Variants in MAP4K3 observed in about 807,000 individuals in gnomAD.
The protein encoded by MAP4K3 is mitogen-activated protein kinase kinase kinase kinase 3.
Under a neutral mutation model 143.5 loss-of-function variants are expected in MAP4K3, and 94 were observed. The observed-to-expected ratio is 0.65, with a 90% confidence interval of 0.55 to 0.78. The LOEUF (loss-of-function observed/expected upper bound fraction) is 0.78. Ranked by LOEUF, MAP4K3 falls within the 30% of genes least tolerant of loss-of-function variation. MAP4K3 has a pLI of 0.00. For synonymous variants in MAP4K3, 416 were observed against 347.2 expected, an observed-to-expected ratio of 1.20 and a Z score of -2.20; for missense variants, 1,077 against 1,068.1, an observed-to-expected ratio of 1.01 and a Z score of -0.12.
chr2:39,285,625 A>G (rs1489121384), intron 21 of MAP4K3, among the ~76,000 whole-genome samples: 1 of 151,706 alleles, frequency 6.6e-6, no homozygotes, highest in Non-Finnish European at 1.5e-5. Flanking sequence ...ATAGTGAAAT[A>G]TTTTTAAAAA....
chr2:39,397,360 A>C (rs983623241), intron 1 of MAP4K3, among the ~76,000 whole-genome samples: 2 of 152,174 alleles, frequency 1.3e-5, no homozygotes, highest in Admixed American at 6.5e-5. Context: ...AATACAAACA[A>C]CAGCAAAAAT....
intron 7 of MAP4K3, among the ~76,000 whole-genome samples, chr2:39,333,118 A>C (rs969434775): frequency 1.3e-5 from 2 of 152,160 alleles, no homozygotes; most frequent in East Asian, 3.8e-4. Flanking sequence ...CATCTAAATT[A>C]CATTCTTAAG....
chr2:39,359,614 G>A (rs1665709291), intron 2 of MAP4K3, among the ~76,000 whole-genome samples: 1 of 152,218 alleles, frequency 6.6e-6, no homozygotes, highest in Non-Finnish European at 1.5e-5. Context: ...GAACCACGAG[G>A]GCTCCACCCT....
chr2:39,392,045 G>C (rs568662636), intron 1 of MAP4K3, among the ~76,000 whole-genome samples: 9 of 151,756 alleles, frequency 5.9e-5, no homozygotes, highest in Non-Finnish European at 1.2e-4. Flanking sequence ...GCTGGGCATG[G>C]TAGGTAGCGC....
chr2:39,401,961 TA>T (rs1390538561), intron 1 of MAP4K3, among the ~76,000 whole-genome samples: 1 of 151,558 alleles, frequency 6.6e-6, no homozygotes, highest in Non-Finnish European at 1.5e-5. Flanking sequence ...TGTAAAAAAG[TA>T]AGAAAATACA....
intron 1 of MAP4K3, among the ~76,000 whole-genome samples, chr2:39,410,855 T>C (rs999042386): frequency 6.6e-6 from 1 of 152,182 alleles, no homozygotes; most frequent in African/African-American, 2.4e-5. Flanking sequence ...AAGGCACATA[T>C]GTCATAGTTT....
At chr2:39,250,825 G>C (rs1186668702) in intron 33 of MAP4K3, 120 bp from the exon 34 acceptor site, 4 of 746,832 alleles carry the variant, frequency 5.4e-6, no homozygotes, top group Non-Finnish European at 8.9e-6. Flanking sequence ...TTTGATCGTG[G>C]GCAGAAATCA....
chr2:39,378,470 T>C (rs1281577385), intron 1 of MAP4K3, among the ~76,000 whole-genome samples: 4 of 152,158 alleles, frequency 2.6e-5, no homozygotes, highest in Non-Finnish European at 5.9e-5. Context: ...CTAAAGGACA[T>C]AGAACTCAAA....
chr2:39,393,729 T>C (rs1290274384), intron 1 of MAP4K3, among the ~76,000 whole-genome samples: 2 of 152,172 alleles, frequency 1.3e-5, no homozygotes, highest in Non-Finnish European at 2.9e-5. Flanking sequence ...CTTTGGTATA[T>C]GCAGGAGACT....
At chr2:39,291,530 T>C (rs1005006348) in intron 18 of MAP4K3, among the ~76,000 whole-genome samples, 1 of 152,196 alleles carries the variant, frequency 6.6e-6, no homozygotes, top group African/African-American at 2.4e-5. Flanking sequence ...ATATATGCTT[T>C]ATGAAATTAT....
rs1175274776 is a variant in MAP4K3, at chr2:39,315,379, C to A, written c.928G>T (p.Ala310Ser). 2 of 1,609,768 alleles carry A rather than the reference C, an allele frequency of 1.2e-6. No homozygotes were observed. The highest frequency in any genetic ancestry group is 2.2e-5 in the East Asian group (1 of 44,712). Reference sequence around the variant, plus strand: ...GTTGAGTGAATTCTATGTGGTACAGCAACAAGAGGCTAGAAAAGAACAAAA... The same window carrying A: ...GTTGAGTGAATTCTATGTGGTACAGAAACAAGAGGCTAGAAAAGAACAAAA... ...FDDDDPEPLV[A>S]VPHRIHSTSR... The change falls in exon 13 of 34, where the codon GCT becomes TCT. Residue 310 changes from alanine (A) to serine (S), a missense_variant. Physicochemically the swap from Ala to Ser is moderately conservative, Grantham distance 99 (BLOSUM62 1). Around this residue, in one of 2 missense-constraint regions of MAP4K3, gnomAD observed 864 missense variants for 801.2 expected, o/e 1.08. Transcript: ENST00000263881.
intron 12 of MAP4K3, among the ~76,000 whole-genome samples, chr2:39,316,569 T>A (rs953645504): frequency 6.6e-6 from 1 of 152,072 alleles, no homozygotes; most frequent in Non-Finnish European, 1.5e-5. Context: ...AATGAAATAT[T>A]TCATGTAAAA....
rs186400744 is a variant in MAP4K3, at chr2:39,350,726, C to T, written c.245+5523G>A. On this transcript the variant is annotated intron_variant, in intron 3 of 33. Transcript: ENST00000263881. Reference sequence around the variant, plus strand: ...AAATTGCCTCTTTTAATCCCCTCCACCCTAGGTCCATCCTCCACAGAATAT... The same window carrying T: ...AAATTGCCTCTTTTAATCCCCTCCATCCTAGGTCCATCCTCCACAGAATAT... 1.3e-3 allele frequency among the ~76,000 whole-genome samples: 199 copies of T among 152,252 alleles called. 3 individuals carry two copies. The highest frequency in any genetic ancestry group is 5.0e-4 in the Non-Finnish European group (34 of 68,016).
intron 16 of MAP4K3, among the ~76,000 whole-genome samples, chr2:39,297,399 T>C (rs1353594151): frequency 1.3e-5 from 2 of 152,192 alleles, no homozygotes; most frequent in African/African-American, 4.8e-5. Flanking sequence ...ATTACAGGCG[T>C]GAGTCACCAT....
At chr2:39,435,009 C>T (rs1665407523) in intron 1 of MAP4K3, among the ~76,000 whole-genome samples, 1 of 152,130 alleles carries the variant, frequency 6.6e-6, no homozygotes, top group Admixed American at 6.5e-5. Flanking sequence ...AGCAAGTACA[C>T]AGCCAATTAG....
At chr2:39,290,853 G>A (rs1405340783) in intron 18 of MAP4K3, among the ~76,000 whole-genome samples, 1 of 152,082 alleles carries the variant, frequency 6.6e-6, no homozygotes, top group Non-Finnish European at 1.5e-5. Flanking sequence ...GGCAGATCAC[G>A]AGGTCAGGAA....
chr2:39,381,900 T>C (rs1482404233), intron 1 of MAP4K3, among the ~76,000 whole-genome samples: 1 of 152,166 alleles, frequency 6.6e-6, no homozygotes, highest in East Asian at 1.9e-4. Context: ...ACAAGCCTTT[T>C]CCTGGCCCTG....
intron 14 of MAP4K3, among the ~76,000 whole-genome samples, chr2:39,308,431 C>G (rs1682797297): frequency 6.6e-6 from 1 of 152,060 alleles, no homozygotes; most frequent in South Asian, 2.1e-4. Flanking sequence ...ATTAGAGTAA[C>G]TATAAGGTAA....
chr2:39,273,029 G>C (rs1217768595), intron 24 of MAP4K3, among the ~76,000 whole-genome samples: 1 of 151,878 alleles, frequency 6.6e-6, no homozygotes, highest in Non-Finnish European at 1.5e-5. Context: ...GGCTGAGATA[G>C]AAGATGATGA....
Sources: gnomAD v4.1 joint callset for allele counts (sites outside exome capture counted in the v4.1 genomes callset) on GRCh38, gnomAD v4.1.1 for gene constraint, gnomAD v4.1.1 regional missense constraint, MANE v1.5 for transcripts, NCBI Gene and HGNC (gene_info 2026-07-23, HGNC 2026-07-21) for gene names.